Variants in ADAMTS16 observed in about 807,000 individuals in gnomAD.
ADAMTS16 encodes the protein A disintegrin and metalloproteinase with thrombospondin motifs 16.
ADAMTS16 carries 94 observed loss-of-function variants against 145.8 expected under a neutral mutation model. The observed-to-expected ratio is 0.64, with a 90% confidence interval of 0.55 to 0.77. The LOEUF (loss-of-function observed/expected upper bound fraction) is 0.77, where lower values mean the gene tolerates loss of function less well. Among genes scored for constraint, ADAMTS16 ranks in the 30% least tolerant of loss-of-function variants. ADAMTS16 has a pLI of 0.00. For synonymous variants in ADAMTS16, 659 were observed against 604.3 expected (o/e 1.09, Z -1.33); for missense variants, 1,585 against 1,591.5 (o/e 1.00, Z 0.07).
chr5:5,168,675 TATA>T lies in ADAMTS16; in HGVS notation c.502-13366_502-13364del, dbSNP rs1579285006. On this transcript the variant is annotated intron_variant, in intron 3 of 22. Coordinates refer to ENST00000274181, the MANE Select transcript of ADAMTS16 (RefSeq NM_139056.4). ...TTATATATTATATTTATATAATAAT[TATA>T]ATTATATAATTATATAAATATAATA... Among the ~76,000 whole-genome samples, 7 of 17,796 alleles carry T rather than the reference TATA, an allele frequency of 3.9e-4. No homozygotes were observed. In the East Asian group the frequency reaches 4.8e-3, roughly 12 times the overall value. The allele number at this position is 17,796 out of a possible 152,430, so 11.7% of individuals were successfully genotyped here.
At chr5:5,258,098 C>T (rs1737856935) in intron 17 of ADAMTS16, among the ~76,000 whole-genome samples, 2 of 152,144 alleles carry the variant, frequency 1.3e-5, no homozygotes, top group South Asian at 4.1e-4. Flanking sequence ...GATGTGTTTA[C>T]CAACTACCAA....
At chr5:5,221,319 C>T (rs1463185220) in intron 10 of ADAMTS16, among the ~76,000 whole-genome samples, 3 of 152,050 alleles carry the variant, frequency 2.0e-5, no homozygotes, top group Middle Eastern at 3.4e-3. Context: ...TAGTAATGAA[C>T]GTAATTAAAG....
chr5:5,303,734 A>G lies in ADAMTS16; in HGVS notation c.3154A>G (p.Lys1052Glu). ...CLLQRCHKPKKLQWLVSAWSQ... is the reference protein window; with the variant it reads ...CLLQRCHKPKELQWLVSAWSQ... ...GCTTCAGCGCTGCCACAAGCCCAAG[A>G]AGCTGCAGTGGCTGGTGTCCGCCTG... Residue 1052 changes from lysine (K) to glutamate (E), a missense_variant, in exon 20 of 23, where the codon AAG becomes GAG. Lys to Glu is a moderately conservative substitution (Grantham distance 56). Transcript: ENST00000274181. The G allele has an allele frequency of 6.2e-7, 1 of 1,613,272 alleles. No homozygotes were observed. The highest frequency in any genetic ancestry group is 1.1e-5 in the South Asian group (1 of 91,030).
At chr5:5,165,544 T>C (rs909220082) in intron 3 of ADAMTS16, among the ~76,000 whole-genome samples, 3 of 152,230 alleles carry the variant, frequency 2.0e-5, no homozygotes, top group African/African-American at 7.2e-5. Context: ...ACTATTAATA[T>C]TGTGTAACTT....
At chr5:5,304,722 T>G (rs1739955454) in intron 20 of ADAMTS16, among the ~76,000 whole-genome samples, 1 of 152,070 alleles carries the variant, frequency 6.6e-6, no homozygotes, top group South Asian at 2.1e-4. Flanking sequence ...AGAACACCCT[T>G]GCTCGCTTAA....
At chr5:5,203,588 T>C (rs1474042799) in intron 9 of ADAMTS16, among the ~76,000 whole-genome samples, 2 of 152,216 alleles carry the variant, frequency 1.3e-5, no homozygotes, top group Non-Finnish European at 2.9e-5. Flanking sequence ...GATAGTTTTT[T>C]GGAGTGAATT....
chr5:5,286,903 G>A (rs1739129758), intron 18 of ADAMTS16, among the ~76,000 whole-genome samples: 2 of 144,664 alleles, frequency 1.4e-5, no homozygotes, highest in South Asian at 2.3e-4. Flanking sequence ...TAACCCTTTA[G>A]TATGTGCTAA....
chr5:5,196,140 C>T (rs1735794262), intron 8 of ADAMTS16, among the ~76,000 whole-genome samples: 1 of 148,210 alleles, frequency 6.7e-6, no homozygotes. Flanking sequence ...GCAGAGTAAC[C>T]TCAGGAAGTA....
chr5:5,270,374 C>CGTGACACTG (rs1283159188), intron 18 of ADAMTS16, among the ~76,000 whole-genome samples: 2 of 152,150 alleles, frequency 1.3e-5, no homozygotes, highest in African/African-American at 4.8e-5. Flanking sequence ...AAGGTGCAGC[C>CGTGACACTG]GTGACACTGC....
At chr5:5,312,203 T>A (rs1459474063) in intron 21 of ADAMTS16, among the ~76,000 whole-genome samples, 1 of 152,212 alleles carries the variant, frequency 6.6e-6, no homozygotes, top group Non-Finnish European at 1.5e-5. Flanking sequence ...GCTCCACCTC[T>A]GCTTCCTGTT....
chr5:5,212,527 G>A (rs1008678822), intron 10 of ADAMTS16, among the ~76,000 whole-genome samples: 9 of 151,992 alleles, frequency 5.9e-5, no homozygotes, highest in East Asian at 1.9e-4. Context: ...CTCTTTTCTC[G>A]TTGTAAAATA....
chr5:5,152,300 C>T lies in ADAMTS16; in HGVS notation c.501+5845C>T, dbSNP rs115364421. ...CACCCTTACTCTATGAGCAGAGCTCCGGTGGGGATGGTAACCCCTTGTCTT... is the reference window on the plus strand; with the variant it reads ...CACCCTTACTCTATGAGCAGAGCTCTGGTGGGGATGGTAACCCCTTGTCTT... On this transcript the variant is annotated intron_variant, in intron 3 of 22. Coordinates refer to ENST00000274181, the MANE Select transcript of ADAMTS16 (RefSeq NM_139056.4). Among the ~76,000 whole-genome samples, 1,181 of 152,306 alleles carry T rather than the reference C, an allele frequency of 7.8e-3. 14 individuals carry two copies. The highest frequency in any genetic ancestry group is 0.027 in the African/African-American group (1,115 of 41,572).
Position 5,186,125 on chromosome 5 carries a change from C to T in ADAMTS16, c.837C>T (p.Arg279=). The T allele has an allele frequency of 6.2e-7, 1 of 1,614,126 alleles. No homozygotes were observed. Among genetic ancestry groups the T allele is most frequent in the Non-Finnish European group, 8.5e-7 (1 of 1,180,036 alleles). Residue 279 remains arginine, a synonymous_variant, in exon 5 of 23, where the codon CGC becomes CGT. Transcript: ENST00000274181. ...DEYKSCLRHK[R]SLLRSHRNEE... Reference sequence around the variant, plus strand: ...ATAAGTCTTGCTTACGGCATAAGCGCTCTCTTCTGAGGTCCCATAGAAATG... The same window carrying T: ...ATAAGTCTTGCTTACGGCATAAGCGTTCTCTTCTGAGGTCCCATAGAAATG...
intron 17 of ADAMTS16, among the ~76,000 whole-genome samples, chr5:5,258,244 A>C (rs1214143259): frequency 1.3e-5 from 2 of 152,176 alleles, no homozygotes; most frequent in Non-Finnish European, 2.9e-5. Flanking sequence ...GTGGGGACTG[A>C]AAATTCCATA....
intron 3 of ADAMTS16, among the ~76,000 whole-genome samples, chr5:5,155,501 C>T (rs1734577887): frequency 1.3e-5 from 2 of 152,198 alleles, no homozygotes; most frequent in South Asian, 2.1e-4. Flanking sequence ...GCACCCTAGA[C>T]AACAACTACA....
At chr5:5,256,870 A>G (rs1393415675) in intron 17 of ADAMTS16, among the ~76,000 whole-genome samples, 1 of 152,228 alleles carries the variant, frequency 6.6e-6, no homozygotes, top group Non-Finnish European at 1.5e-5. Flanking sequence ...GAATTAAAAA[A>G]TGGACTTTAA....
intron 3 of ADAMTS16, among the ~76,000 whole-genome samples, chr5:5,173,270 G>T: frequency 6.6e-6 from 1 of 150,482 alleles, no homozygotes; most frequent in South Asian, 2.1e-4. Flanking sequence ...TGATAAGTAA[G>T]GACTTACTCC....
intron 17 of ADAMTS16, among the ~76,000 whole-genome samples, chr5:5,251,838 G>T (rs1424337996): frequency 1.3e-5 from 2 of 152,212 alleles, no homozygotes; most frequent in Admixed American, 1.3e-4. Context: ...CCCTGGGCAT[G>T]GGGCCAAGTA....
At chr5:5,314,099 A>G (rs140078289) in intron 21 of ADAMTS16, among the ~76,000 whole-genome samples, 18 of 152,332 alleles carry the variant, frequency 1.2e-4, no homozygotes, top group Middle Eastern at 3.4e-3. Context: ...GAATGAGGCC[A>G]TTGAGGTCTC....
Sources: allele counts gnomAD v4.1 joint callset (sites outside exome capture counted in the v4.1 genomes callset), GRCh38; gene constraint gnomAD v4.1.1; transcripts MANE v1.5; gene names NCBI Gene and HGNC (gene_info 2026-07-23, HGNC 2026-07-21).